Variants in PACSIN1 observed in about 807,000 individuals in gnomAD.
PACSIN1 encodes protein kinase C and casein kinase substrate in neurons protein 1.
Under a neutral mutation model 59.5 loss-of-function variants are expected in PACSIN1, and 15 were observed. The observed-to-expected ratio is 0.25, with a 90% CI of 0.17 to 0.39. PACSIN1 has a LOEUF of 0.39. Ranked by LOEUF, PACSIN1 falls within the 10% of genes least tolerant of loss-of-function variation. PACSIN1 has a pLI of 1.00. For synonymous variants in PACSIN1, 210 were observed against 220.6 expected (o/e 0.95, Z 0.42); for missense variants, 420 against 580.2 (o/e 0.72, Z 2.84).
chr6:34,473,953 C>A (rs1766605071), intron 1 of PACSIN1, among the ~76,000 whole-genome samples: 1 of 152,152 alleles, frequency 6.6e-6, no homozygotes, highest in South Asian at 2.1e-4. Context: ...TATTCACATT[C>A]CCTGTTGTCT....
In PACSIN1 at chr6:34,532,443, C is replaced by T. The variant is rs1260159495; in HGVS notation, c.1248C>T (p.Gly416=). The T allele has an allele frequency of 6.4e-7, 1 of 1,573,004 alleles. No individual in the cohort carries two copies. Among genetic ancestry groups the T allele is most frequent in the Non-Finnish European group, 8.6e-7 (1 of 1,158,670 alleles). Reference sequence around the variant, plus strand: ...CAGGAGACGAACTCACCAAGCTGGGCGAGGAGGATGAGCAGGGCTGGTGCC... The same window carrying T: ...CAGGAGACGAACTCACCAAGCTGGGTGAGGAGGATGAGCAGGGCTGGTGCC... ...FKAGDELTKL[G]EEDEQGWCRG... The change falls in exon 10 of 10, where the codon GGC becomes GGT. Residue 416 remains glycine (G), a synonymous_variant. Transcript: ENST00000244458. The surrounding 1 kb of genome is among the most constrained non-coding windows in gnomAD (Gnocchi z 5.2).
intron 1 of PACSIN1, among the ~76,000 whole-genome samples, chr6:34,491,819 C>A (rs754226068): frequency 6.6e-6 from 1 of 152,024 alleles, no homozygotes; most frequent in Non-Finnish European, 1.5e-5. Context: ...ACCATGTTGA[C>A]CAGGCTGGTC....
chr6:34,532,522 G>C lies in PACSIN1; in HGVS notation c.1327G>C (p.Ala443Pro). ...CCTCTACCCTGCCAACTACGTGGAG[G>C]CTATCTAGAGGCCCCCTCCCTCCAT... ...LGLYPANYVE[A>P]I The change falls in exon 10 of 10, where the codon GCT (alanine) becomes CCT (proline). Residue 443 changes from alanine (A) to proline (P), a missense_variant. Coordinates refer to ENST00000244458, the MANE Select transcript of PACSIN1 (RefSeq NM_020804.5). This position sits in a 1 kb window ranked among gnomAD's most constrained non-coding sequence, Gnocchi z 5.2. The C allele has an allele frequency of 6.5e-7, 1 of 1,543,862 alleles. No homozygotes were observed. The highest frequency in any genetic ancestry group is 1.2e-5 in the South Asian group (1 of 83,818).
intron 1 of PACSIN1, among the ~76,000 whole-genome samples, chr6:34,478,061 C>CTTTT (rs58616178): frequency 8.7e-6 from 1 of 114,596 alleles, no homozygotes; most frequent in African/African-American, 3.3e-5. Context: ...CCCCTTTATC[C>CTTTT]TTTTTTTTTT....
In PACSIN1 at chr6:34,525,684, G is replaced by A. The variant is rs1448667245; in HGVS notation, c.-63-559G>A. Among the ~76,000 whole-genome samples, 1 of 152,130 alleles carries A rather than the reference G, an allele frequency of 6.6e-6. No homozygotes were observed. Among genetic ancestry groups the A allele is most frequent in the African/African-American group, 2.4e-5 (1 of 41,410 alleles). On this transcript the variant is annotated intron_variant, in intron 1 of 9. Transcript: ENST00000244458. The surrounding 1 kb of genome is among the most constrained non-coding windows in gnomAD (Gnocchi z 4.9). The stretch of plus-strand genomic sequence containing the variant: ...AAGGGAGGAGGGGAGTACCCACCTC[G>A]GCCCTGGGGCAGCGCACGGCCTAGA...
chr6:34,507,941 A>C (rs995343140), intron 1 of PACSIN1, among the ~76,000 whole-genome samples: 16 of 152,190 alleles, frequency 1.1e-4, no homozygotes, highest in African/African-American at 3.9e-4. Context: ...TTCTTTATCC[A>C]TTCATCCATT....
At chr6:34,527,107 G>A (rs961450684) in intron 2 of PACSIN1, among the ~76,000 whole-genome samples, 1 of 151,738 alleles carries the variant, frequency 6.6e-6, no homozygotes, top group African/African-American at 2.4e-5. Flanking sequence ...GAGGGTGCGT[G>A]TAGACGGCGG....
Position 34,530,447 on chromosome 6 carries a change from C to T in PACSIN1, c.910-13C>T, listed in dbSNP as rs754959563. 1.9e-6 allele frequency: 3 copies of T among 1,596,984 alleles called. No homozygotes were observed. The highest frequency in any genetic ancestry group is 1.7e-6 in the Non-Finnish European group (2 of 1,170,136). ...ATAGTCCCCCAGCCTGACTGCTCCACTGGCCCCACCAGGAGTGGAACCCAG... is the reference window on the plus strand; with the variant it reads ...ATAGTCCCCCAGCCTGACTGCTCCATTGGCCCCACCAGGAGTGGAACCCAG... On this transcript the variant is annotated splice_polypyrimidine_tract_variant and intron_variant, in intron 7 of 9. Coordinates refer to ENST00000244458, the MANE Select transcript of PACSIN1 (RefSeq NM_020804.5). The surrounding 1 kb of genome is among the most constrained non-coding windows in gnomAD (Gnocchi z 4.4).
At chr6:34,510,782 G>A (rs1001622266) in intron 1 of PACSIN1, among the ~76,000 whole-genome samples, 37 of 152,174 alleles carry the variant, frequency 2.4e-4, no homozygotes, top group African/African-American at 6.8e-4. Context: ...ATGCGATCAC[G>A]GCTCACTGCA....
In PACSIN1 at chr6:34,502,160, G is replaced by A. The variant is rs192654242; in HGVS notation, c.-63-24083G>A. ...CCTGGTATTCACACCCTGGTGCAGC[G>A]TTTTCCACAGTGACACTAGGCTTGG... On this transcript the variant is annotated intron_variant, in intron 1 of 9. Transcript: ENST00000244458. Among the ~76,000 whole-genome samples, 184 of 152,170 alleles carry A rather than the reference G, an allele frequency of 1.2e-3. 1 individual carries two copies. The highest frequency in any genetic ancestry group is 4.3e-3 in the Admixed American group (66 of 15,280).
intron 4 of PACSIN1, 27 bp downstream of exon 4, chr6:34,528,904 G>A (rs1434267958): frequency 7.2e-7 from 1 of 1,382,056 alleles, no homozygotes; most frequent in Non-Finnish European, 1.0e-6. Flanking sequence ...GCCACGGGCG[G>A]GGTGGGGTGG....
chr6:34,501,859 T>C (rs4713804), intron 1 of PACSIN1, among the ~76,000 whole-genome samples: 150,332 of 152,002 alleles, frequency 0.99, 74,365 homozygotes, highest in East Asian at 1. Flanking sequence ...TGAAACCCCA[T>C]CTCTACTAAA....
At chr6:34,484,198 A>C (rs967346278) in intron 1 of PACSIN1, among the ~76,000 whole-genome samples, 3 of 152,228 alleles carry the variant, frequency 2.0e-5, no homozygotes, top group African/African-American at 4.8e-5. Flanking sequence ...GAAGCAATCA[A>C]GATGTCCTTC....
At position 34,530,533 on chromosome 6, in the gene PACSIN1, T is replaced by A. The variant is rs1203384752; in HGVS notation, c.983T>A (p.Leu328Gln). Residue 328 changes from leucine (L) to glutamine (Q), a missense_variant, in exon 8 of 10, where the codon CTG (leucine) becomes CAG (glutamine). Transcript: ENST00000244458. This position sits in a 1 kb window ranked among gnomAD's most constrained non-coding sequence, Gnocchi z 4.4. ...KQPKKAEGVALTNATGAVEST... is the reference protein window; with the variant it reads ...KQPKKAEGVAQTNATGAVEST... ...CCTAAGAAGGCAGAGGGAGTGGCGC[T>A]GACCAATGCCACTGGGGCGGTAGAG... is the stretch of plus-strand genomic sequence containing the variant. 2 of 1,608,498 alleles carry A rather than the reference T, an allele frequency of 1.2e-6. No individual in the cohort carries two copies. Among genetic ancestry groups the A allele is most frequent in the East Asian group, 2.2e-5 (1 of 44,768 alleles).
At chr6:34,473,346 TG>T (rs1407415530) in intron 1 of PACSIN1, among the ~76,000 whole-genome samples, 17 of 152,004 alleles carry the variant, frequency 1.1e-4, no homozygotes, top group Non-Finnish European at 2.2e-4. Context: ...AGAGAGGACA[TG>T]GGTCGTGAGG....
At chr6:34,524,032 G>T (rs1581984264) in intron 1 of PACSIN1, among the ~76,000 whole-genome samples, 1 of 152,200 alleles carries the variant, frequency 6.6e-6, no homozygotes, top group Admixed American at 6.5e-5. Context: ...TCACACAGCA[G>T]GTTGGTAGCA....
At chr6:34,490,724 A>C (rs1766863908) in intron 1 of PACSIN1, among the ~76,000 whole-genome samples, 1 of 152,130 alleles carries the variant, frequency 6.6e-6, no homozygotes, top group Non-Finnish European at 1.5e-5. Flanking sequence ...CTTCCTGAAG[A>C]AGACAGATAG....
Position 34,530,343 on chromosome 6 carries a change from A to C in PACSIN1, c.889A>C (p.Met297Leu). Residue 297 changes from methionine to leucine, a missense_variant, in exon 7 of 10, where the codon ATG becomes CTG. Transcript: ENST00000244458. This position sits in a 1 kb window ranked among gnomAD's most constrained non-coding sequence, Gnocchi z 4.4. Reference sequence around the variant, plus strand: ...CAGCACCAGTGGCCCCGGCATGCCCATGAACTGGCCCCAGTTTGAGGTGAG... The same window carrying C: ...CAGCACCAGTGGCCCCGGCATGCCCCTGAACTGGCCCCAGTTTGAGGTGAG... Reference protein sequence around the residue: ...FRSTSGPGMPMNWPQFEEWNP... With the variant: ...FRSTSGPGMPLNWPQFEEWNP... 5 of 1,614,106 alleles carry C rather than the reference A, an allele frequency of 3.1e-6. No individual in the cohort carries two copies. The highest frequency in any genetic ancestry group is 4.2e-6 in the Non-Finnish European group (5 of 1,179,980).
intron 1 of PACSIN1, among the ~76,000 whole-genome samples, chr6:34,468,159 A>G (rs1037847367): frequency 1.3e-5 from 2 of 152,222 alleles, no homozygotes; most frequent in African/African-American, 2.4e-5. Context: ...TAAGGTCTTC[A>G]TAGCAAGCTC....
Sources: gnomAD v4.1 joint callset for allele counts (sites outside exome capture counted in the v4.1 genomes callset) on GRCh38, gnomAD v4.1.1 for gene constraint, Gnocchi (gnomAD v3.1) non-coding constraint, MANE v1.5 for transcripts, NCBI Gene and HGNC (gene_info 2026-07-23, HGNC 2026-07-21) for gene names.